MYH10: variants seen among roughly 807,000 people sequenced by gnomAD.
MYH10 encodes myosin-10.
MYH10 carries 55 observed loss-of-function variants against 257.8 expected under a neutral mutation model. The observed-to-expected ratio is 0.21, with a 90% CI of 0.17 to 0.27. MYH10 has a LOEUF of 0.27. MYH10 is among the 10% of genes least tolerant of loss of function. The probability of loss-of-function intolerance (pLI) is 1.00; values close to 1 mark genes in which losing one functional copy is unlikely to be tolerated. For synonymous variants in MYH10, 854 were observed against 921.7 expected (o/e 0.93, Z 1.33); for missense variants, 1,631 against 2,500.6 (o/e 0.65, Z 7.42).
intron 3 of MYH10, among the ~76,000 whole-genome samples, chr17:8,590,171 C>G (rs964463669): frequency 6.6e-6 from 1 of 152,126 alleles, no homozygotes; most frequent in Non-Finnish European, 1.5e-5. Context: ...TAAATAACTT[C>G]CATGAAAGAG....
chr17:8,501,976 C>CA (rs1215928521), intron 28 of MYH10, among the ~76,000 whole-genome samples: 1 of 152,210 alleles, frequency 6.6e-6, no homozygotes, highest in Admixed American at 6.5e-5. Flanking sequence ...CGTGTTTAAG[C>CA]ACGAGCTTGA....
chr17:8,498,050 C>T (rs183521650), intron 30 of MYH10, among the ~76,000 whole-genome samples: 47 of 139,016 alleles, frequency 3.4e-4, no homozygotes, highest in African/African-American at 1.1e-3. Context: ...GGCGTGATCT[C>T]GGCTCACTGC....
intron 3 of MYH10, among the ~76,000 whole-genome samples, chr17:8,592,613 T>C (rs986042521): frequency 6.6e-6 from 1 of 151,698 alleles, no homozygotes; most frequent in African/African-American, 2.4e-5. Flanking sequence ...AATGGTAACC[T>C]GCATAGCCTT....
chr17:8,511,738 C>T (rs1038584474), intron 24 of MYH10, among the ~76,000 whole-genome samples: 1 of 152,136 alleles, frequency 6.6e-6, no homozygotes. Flanking sequence ...GCATAATAAG[C>T]CCCACACAGA....
Position 8,480,161 on chromosome 17 carries a change from G to T in MYH10, c.5546C>A (p.Ala1849Asp). ...CAGCTGCCCAATCTTGGCCTCCAGG[G>T]CTGAGATGGTGGCCTTGAACTTAGA... ...VKSKFKATIS[A>D]LEAKIGQLEE... is the part of the protein sequence containing the mutation. Residue 1849 changes from alanine (A) to aspartate (D), a missense_variant, in exon 40 of 43, where the codon GCC (alanine) becomes GAC (aspartate). Physicochemically the swap from Ala to Asp is moderately radical, Grantham distance 126. Transcript: ENST00000360416. 1 of 1,614,172 alleles carries T rather than the reference G, an allele frequency of 6.2e-7. No homozygotes were observed.
intron 21 of MYH10, among the ~76,000 whole-genome samples, chr17:8,515,220 C>T (rs2081426357): frequency 6.6e-6 from 1 of 152,146 alleles, no homozygotes; most frequent in Non-Finnish European, 1.5e-5. Context: ...CTATAGGACT[C>T]TCCTGGGAAA....
At chr17:8,529,445 A>T (rs546261713) in intron 17 of MYH10, among the ~76,000 whole-genome samples, 44 of 152,328 alleles carry the variant, frequency 2.9e-4, no homozygotes, top group Non-Finnish European at 4.1e-4. Flanking sequence ...CTAACCTTTA[A>T]TAAAGCACAA....
intron 24 of MYH10, 30 bp from the exon 25 acceptor site, chr17:8,509,979 A>G (rs770512488): frequency 6.4e-7 from 1 of 1,558,972 alleles, no homozygotes; most frequent in Admixed American, 2.0e-5. Flanking sequence ...CAGTCTCGCC[A>G]CTTTCTCGAG....
chr17:8,530,914 G>A (rs1007364299), intron 16 of MYH10, among the ~76,000 whole-genome samples: 12 of 152,118 alleles, frequency 7.9e-5, no homozygotes, highest in Admixed American at 2.0e-4. Flanking sequence ...CCCAACTCCC[G>A]GTGTGAGCAT....
chr17:8,562,254 C>T (rs536441347), intron 7 of MYH10, among the ~76,000 whole-genome samples: 4 of 152,304 alleles, frequency 2.6e-5, no homozygotes, highest in African/African-American at 4.8e-5. Flanking sequence ...ATGTTGGATA[C>T]GCTGGCAAAT....
At chr17:8,478,470 T>C (rs112052548) in intron 40 of MYH10, 24 bp from the exon 41 acceptor site, 27 of 1,595,708 alleles carry the variant, frequency 1.7e-5, no homozygotes, top group Admixed American at 5.0e-5. Flanking sequence ...CACAGTAGTT[T>C]TGAAATTCTT....
intron 28 of MYH10, among the ~76,000 whole-genome samples, chr17:8,502,282 G>A (rs754916739): frequency 2.6e-5 from 4 of 152,102 alleles, no homozygotes; most frequent in African/African-American, 4.8e-5. Context: ...CTCCATGGTC[G>A]CATGTAGCCC....
chr17:8,542,983 G>A (rs1168349236), intron 13 of MYH10, among the ~76,000 whole-genome samples: 12 of 152,096 alleles, frequency 7.9e-5, no homozygotes. Context: ...ATATGTTATT[G>A]TCATTTCTGT....
In MYH10 at chr17:8,563,239, C is replaced by G. The variant is rs904840004; in HGVS notation, c.756+6481G>C. Among the ~76,000 whole-genome samples the G allele has an allele frequency of 6.6e-5, 10 of 152,200 alleles. 1 individual carries two copies. The highest frequency in any genetic ancestry group is 2.2e-4 in the African/African-American group (9 of 41,452). On this transcript the variant is annotated intron_variant, in intron 7 of 42. Transcript: ENST00000360416. Reference sequence around the variant, plus strand: ...TTAAATGCTTTAGCTATCTTAATCTCCAAACCAAACCAGAAGCTTTGTTGT... The same window carrying G: ...TTAAATGCTTTAGCTATCTTAATCTGCAAACCAAACCAGAAGCTTTGTTGT...
Position 8,559,886 on chromosome 17 carries a change from A to G in MYH10, c.757-5868T>C, listed in dbSNP as rs117772970. ...TACACTACCTCATTGAGTTAATAAA[A>G]ATATTGCTATTTTAAGAGACAGTAG... On this transcript the variant is annotated intron_variant, in intron 7 of 42. Transcript: ENST00000360416. Among the ~76,000 whole-genome samples the G allele has an allele frequency of 4.6e-3, 703 of 152,332 alleles. 3 individuals carry two copies. The highest frequency in any genetic ancestry group is 9.5e-3 in the Admixed American group (145 of 15,296).
At chr17:8,527,930 G>A (rs540939515) in intron 17 of MYH10, among the ~76,000 whole-genome samples, 55 of 152,280 alleles carry the variant, frequency 3.6e-4, no homozygotes, top group Middle Eastern at 6.8e-3. Context: ...ATTTAAACAC[G>A]TAAACTATGT....
At chr17:8,608,617 GC>G (rs2084899134) in intron 2 of MYH10, among the ~76,000 whole-genome samples, 1 of 152,182 alleles carries the variant, frequency 6.6e-6, no homozygotes, top group Non-Finnish European at 1.5e-5. Flanking sequence ...CTGAAGAGCT[GC>G]AAAGGCCTGA....
intron 21 of MYH10, among the ~76,000 whole-genome samples, chr17:8,515,912 A>C (rs1477370144): frequency 6.6e-6 from 1 of 152,198 alleles, no homozygotes; most frequent in Non-Finnish European, 1.5e-5. Flanking sequence ...TGACTTTTGA[A>C]TCTATTAAGC....
chr17:8,505,495 G>T (rs1441556852), intron 27 of MYH10, among the ~76,000 whole-genome samples: 14 of 152,148 alleles, frequency 9.2e-5, no homozygotes, highest in Non-Finnish European at 2.1e-4. Context: ...GATTTTGATT[G>T]TAACACATTA....
Sources: allele counts gnomAD v4.1 joint callset (sites outside exome capture counted in the v4.1 genomes callset), GRCh38; gene constraint gnomAD v4.1.1; transcripts MANE v1.5; gene names NCBI Gene and HGNC (gene_info 2026-07-23, HGNC 2026-07-21).